DAAM1: variants seen among roughly 807,000 people sequenced by gnomAD.
DAAM1 encodes the protein dishevelled associated activator of morphogenesis 1, also known as disheveled-associated activator of morphogenesis 1.
Under a neutral mutation model 130.0 loss-of-function variants are expected in DAAM1, and 52 were observed. The observed-to-expected ratio is 0.40, with a 90% CI of 0.32 to 0.50. The LOEUF is 0.50. Among genes scored for constraint, DAAM1 ranks in the 20% least tolerant of loss-of-function variants. DAAM1 has a pLI of 0.61. For missense variants in DAAM1, 1,134 were observed against 1,303.8 expected (o/e 0.87, Z 2.01); for synonymous variants, 452 against 444.5 (o/e 1.02, Z -0.21).
chr14:59,337,120 C>T (rs1468500049), intron 15 of DAAM1, among the ~76,000 whole-genome samples: 1 of 152,060 alleles, frequency 6.6e-6, no homozygotes, highest in Admixed American at 6.6e-5. Flanking sequence ...AGAGCAGAAT[C>T]TCTAAGTTCA....
chr14:59,266,764 A>G (rs778388003), intron 2 of DAAM1, among the ~76,000 whole-genome samples: 6 of 152,324 alleles, frequency 3.9e-5, no homozygotes, highest in Middle Eastern at 3.4e-3. Flanking sequence ...TAGCTGAAGC[A>G]ATTCTGCCTC....
At chr14:59,342,122 A>G (rs1056880483) in intron 16 of DAAM1, among the ~76,000 whole-genome samples, 4 of 152,246 alleles carry the variant, frequency 2.6e-5, no homozygotes, top group African/African-American at 9.6e-5. Context: ...ACTTGAATGT[A>G]TCTAAACTCT....
chr14:59,193,967 G>C (rs933474962), intron 1 of DAAM1, among the ~76,000 whole-genome samples: 8 of 152,120 alleles, frequency 5.3e-5, no homozygotes, highest in Admixed American at 2.6e-4. Context: ...CATGGGCTAC[G>C]TCATTGACTG....
chr14:59,209,638 A>G (rs1452903935), intron 1 of DAAM1, among the ~76,000 whole-genome samples: 1 of 152,190 alleles, frequency 6.6e-6, no homozygotes, highest in Non-Finnish European at 1.5e-5. Flanking sequence ...ATTTTGCCCA[A>G]TTGTAGGGTA....
rs531992927 is a variant in DAAM1 at position 59,323,180 on chromosome 14, C to T, written c.729C>T (p.Ala243=). 4.3e-6 allele frequency: 7 copies of T among 1,613,478 alleles called. No homozygotes were observed. The highest frequency in any genetic ancestry group is 3.3e-5 in the Admixed American group (2 of 59,980). Residue 243 remains alanine (A), a synonymous_variant, in exon 6 of 25, where the codon GCC becomes GCT. Transcript: ENST00000360909. ...VPGGHKKVLQ[A]MLHYQKYASE... ...GGGGCCACAAGAAGGTTCTGCAGGC[C>T]ATGCTGCACTACCAGAAGTATGCCA...
At position 59,353,859 on chromosome 14, in the gene DAAM1, CAT is replaced by C. The variant is rs769528568; in HGVS notation, c.2268-16_2268-15del. 9 of 1,610,598 alleles carry C rather than the reference CAT, an allele frequency of 5.6e-6. No individual in the cohort carries two copies. The highest frequency in any genetic ancestry group is 3.3e-5 in the South Asian group (3 of 90,748). ...TATATTAAATGAATATCAATTAGTA[CAT>C]GTTTGCTCTTACAGAATTAATCACT... On this transcript the variant is annotated splice_polypyrimidine_tract_variant and intron_variant, in intron 18 of 24. Transcript: ENST00000360909.
intron 16 of DAAM1, among the ~76,000 whole-genome samples, chr14:59,342,783 G>C (rs1039077129): frequency 1.3e-5 from 2 of 152,174 alleles, no homozygotes; most frequent in African/African-American, 4.8e-5. Context: ...TGTAGGAGGG[G>C]CACCAGCAGG....
At chr14:59,324,081 C>T in intron 6 of DAAM1, 47 bp from the exon 7 acceptor site, 2 of 1,188,794 alleles carry the variant, frequency 1.7e-6, no homozygotes, top group Non-Finnish European at 2.2e-6. Flanking sequence ...ATAAAATGAG[C>T]ATAAGGTTAG....
At chr14:59,208,584 T>C (rs1566649508) in intron 1 of DAAM1, among the ~76,000 whole-genome samples, 1 of 152,182 alleles carries the variant, frequency 6.6e-6, no homozygotes, top group Non-Finnish European at 1.5e-5. Context: ...TCCTCTGCTT[T>C]GCCTTTTGAC....
At chr14:59,334,852 C>A (rs779261088) in intron 15 of DAAM1, among the ~76,000 whole-genome samples, 1 of 152,096 alleles carries the variant, frequency 6.6e-6, no homozygotes, top group African/African-American at 2.4e-5. Context: ...GTGTAACTTA[C>A]AGTATAAAAG....
At position 59,321,711 on chromosome 14, in the gene DAAM1, T is replaced by G. The variant is rs78038720; in HGVS notation, c.440+1127T>G. ...AAGCCTAGAAAATAAAGATTCCCTT[T>G]CTTTATTTGACTATAAAATGCAAAC... On this transcript the variant is annotated intron_variant, in intron 5 of 24. Coordinates refer to ENST00000360909, the MANE Select transcript of DAAM1 (RefSeq NM_001270520.2). Among the ~76,000 whole-genome samples the G allele has an allele frequency of 3.1e-3, 467 of 152,328 alleles. 4 individuals are homozygous for G. In the Middle Eastern group the frequency reaches 0.041, roughly 13 times the overall value.
intron 20 of DAAM1, 25 bp downstream of exon 20, chr14:59,355,358 TGGG>T: frequency 1.2e-6 from 2 of 1,612,674 alleles, no homozygotes; most frequent in Middle Eastern, 1.7e-4. Context: ...TTCCAACACT[TGGG>T]GGAGCCAGGT....
intron 3 of DAAM1, among the ~76,000 whole-genome samples, chr14:59,292,030 C>T (rs1883759386): frequency 6.6e-6 from 1 of 152,138 alleles, no homozygotes; most frequent in Non-Finnish European, 1.5e-5. Context: ...TCCATGGTGA[C>T]TGTATCTCCT....
chr14:59,288,502 T>G (rs1883561672), intron 2 of DAAM1, among the ~76,000 whole-genome samples: 1 of 152,132 alleles, frequency 6.6e-6, no homozygotes, highest in Admixed American at 6.6e-5. Context: ...AGACAATATT[T>G]GCAAAGTGTG....
chr14:59,272,101 A>T (rs930679504), intron 2 of DAAM1, among the ~76,000 whole-genome samples: 4 of 142,814 alleles, frequency 2.8e-5, no homozygotes, highest in Non-Finnish European at 4.5e-5. Flanking sequence ...CAATAGTGTC[A>T]AAGTATTCAG....
intron 22 of DAAM1, among the ~76,000 whole-genome samples, chr14:59,361,554 C>T (rs1886704981): frequency 1.3e-5 from 2 of 152,190 alleles, no homozygotes; most frequent in Admixed American, 1.3e-4. Flanking sequence ...AACTTAGGTG[C>T]ATAGAGGGAG....
chr14:59,297,864 C>T (rs1000108959), intron 3 of DAAM1, among the ~76,000 whole-genome samples: 2 of 152,138 alleles, frequency 1.3e-5, no homozygotes, highest in South Asian at 2.1e-4. Context: ...ACTATCCAAT[C>T]TGAAGTTTCA....
Position 59,263,799 on chromosome 14 carries a change from C to T in DAAM1, c.183+139C>T. 9.8e-6 allele frequency: 10 copies of T among 1,017,154 alleles called. No individual in the cohort carries two copies. In the South Asian group the frequency reaches 1.4e-4, roughly 14 times the overall value. 63.0% of individuals were successfully genotyped at this position (1,017,154 alleles called of 1,614,324 possible). The stretch of plus-strand genomic sequence containing the variant: ...CCCCCATTCACCTTTATGTCTGCAC[C>T]CTCACTGTCAGCACTAAACCTGTGG... On this transcript the variant is annotated intron_variant, in intron 2 of 24. Coordinates refer to ENST00000360909, the MANE Select transcript of DAAM1 (RefSeq NM_001270520.2).
intron 15 of DAAM1, among the ~76,000 whole-genome samples, chr14:59,333,836 G>C (rs546208525): frequency 6.6e-6 from 1 of 152,228 alleles, no homozygotes; most frequent in Non-Finnish European, 1.5e-5. Context: ...GGTGCAGAAG[G>C]ATACTGCCAA....
Sources: gnomAD v4.1 joint callset for allele counts (sites outside exome capture counted in the v4.1 genomes callset) on GRCh38, gnomAD v4.1.1 for gene constraint, MANE v1.5 for transcripts, NCBI Gene and HGNC (gene_info 2026-07-23, HGNC 2026-07-21) for gene names.